Variants in DUSP18 observed in about 807,000 individuals in gnomAD.
The protein encoded by DUSP18 is dual specificity protein phosphatase 18.
Under a neutral mutation model 6.3 loss-of-function variants are expected in DUSP18, and 4 were observed. The ratio of observed to expected loss-of-function variants is 0.63; its 90% CI spans 0.31 to 1.45. The LOEUF (loss-of-function observed/expected upper bound fraction) is 1.45, where lower values mean the gene tolerates loss of function less well. Ranked by LOEUF, DUSP18 falls within the 40% of genes most tolerant of loss-of-function variation. The probability of loss-of-function intolerance (pLI) is 0.07; values close to 1 mark genes in which losing one functional copy is unlikely to be tolerated. For missense variants in DUSP18, 235 were observed against 247.7 expected (o/e 0.95, Z 0.34); for synonymous variants, 96 against 95.1 (o/e 1.01, Z -0.05).
chr22:30,663,360 G>A lies in DUSP18; in HGVS notation c.*77C>T, dbSNP rs948975045. ...TTTTCTGTATCAACAAAAGTAGAAT[G>A]TTCAAGTTTGGATCTTGGTGTAAGA... is the stretch of plus-strand genomic sequence containing the variant. On this transcript the variant is annotated 3_prime_UTR_variant, in exon 2 of 2. Coordinates refer to ENST00000334679, the MANE Select transcript of DUSP18 (RefSeq NM_152511.5). 1.1e-5 allele frequency: 16 copies of A among 1,413,994 alleles called. No homozygotes were observed. The African/African-American group carries it at 2.1e-4, about 19-fold the overall frequency. The allele number at this position is 1,413,994 out of a possible 1,614,324, so 87.6% of individuals were successfully genotyped here.
intron 2 of DUSP18, among the ~76,000 whole-genome samples, chr22:30,654,984 A>T (rs529045779): frequency 6.6e-6 from 1 of 152,130 alleles, no homozygotes; most frequent in South Asian, 2.1e-4. Context: ...AAGCCCAAAG[A>T]ATAGAAAGAA....
chr22:30,664,108 G>A (rs1034780435), intron 1 of DUSP18, 28 bp from the exon 2 acceptor site: 3 of 1,140,096 alleles, frequency 2.6e-6, no homozygotes, highest in African/African-American at 3.1e-5. Flanking sequence ...ATGTTTAGAG[G>A]GCAGGTGCCC....
At chr22:30,654,422 G>C in intron 2 of DUSP18, 2 of 449,808 alleles carry the variant, frequency 4.4e-6, no homozygotes, top group South Asian at 1.6e-5. Flanking sequence ...TTTCTTGTAG[G>C]CTTCAGATGC....
At chr22:30,664,641 A>C (rs1434702140) in intron 1 of DUSP18, among the ~76,000 whole-genome samples, 1 of 152,228 alleles carries the variant, frequency 6.6e-6, no homozygotes, top group Non-Finnish European at 1.5e-5. Flanking sequence ...AGGCTGGTAT[A>C]AGAGTAGGGA....
chr22:30,660,861 A>G (rs2088443973), downstream of DUSP18, among the ~76,000 whole-genome samples: 1 of 148,572 alleles, frequency 6.7e-6, no homozygotes, highest in Non-Finnish European at 1.5e-5. Context: ...TTTTTTTGAG[A>G]TGGAGTCTTG....
intron 2 of DUSP18, among the ~76,000 whole-genome samples, chr22:30,655,741 T>C (rs2088327591): frequency 6.6e-6 from 1 of 152,040 alleles, no homozygotes; most frequent in South Asian, 2.1e-4. Context: ...TGCCTTCTTA[T>C]GCACGGATGG....
rs1389184839 is a variant in DUSP18, at chr22:30,655,429, C to CTA, written c.*34-3133_*34-3132insTA. Among the ~76,000 whole-genome samples the CTA allele has an allele frequency of 6.3e-5, 7 of 111,642 alleles. No homozygotes were observed. In the East Asian group the frequency reaches 1.7e-3, roughly 27 times the overall value. 73.2% of individuals were successfully genotyped at this position (111,642 alleles called of 152,430 possible). ...TCTGGGTAACAGAGTGAGATCCTAC[C>CTA]AAAAAAAAAAAAAAAAAAAGAAAAA... On this transcript the variant is annotated intron_variant, in intron 2 of 2. Coordinates refer to the DUSP18 transcript ENST00000404885.
At chr22:30,654,575 C>A in intron 2 of DUSP18, 1 of 454,944 alleles carries the variant, frequency 2.2e-6, no homozygotes. Flanking sequence ...CCAGAAGATG[C>A]GGCTGGGGAC....
At position 30,663,515 on chromosome 22, in the gene DUSP18, A is replaced by G; in HGVS notation, c.489T>C (p.Thr163=). 6.2e-7 allele frequency: 1 copy of G among 1,614,194 alleles called. No homozygotes were observed. The highest frequency in any genetic ancestry group is 8.5e-7 in the Non-Finnish European group (1 of 1,180,006). ...CCACTGGGGAACTGACCATGTGCAC[A>G]GTGTTCTTGCCAAACAATTGGAACT... ...HYEFQLFGKN[T]VHMVSSPVGM... Residue 163 remains threonine (T), a synonymous_variant, in exon 2 of 2, where the codon ACT becomes ACC. Coordinates refer to ENST00000334679, the MANE Select transcript of DUSP18 (RefSeq NM_152511.5).
In DUSP18 at chr22:30,661,597, C is replaced by T. The variant is rs9609037; in HGVS notation, c.*1840G>A. ...CCAAGTAACTGGGATTACAGGCACC[C>T]AGCTGTTAAAAGAAAAAGCATTTGG... On this transcript the variant is annotated 3_prime_UTR_variant, in exon 2 of 2. Coordinates refer to ENST00000334679, the MANE Select transcript of DUSP18 (RefSeq NM_152511.5). 66,759 of 109,926 alleles carry T rather than the reference C, an allele frequency of 0.61. 17,664 individuals carry two copies. Among genetic ancestry groups the T allele is most frequent in the South Asian group, 0.7 (2,963 of 4,224 alleles). 6.8% of individuals were successfully genotyped at this position (109,926 alleles called of 1,614,324 possible).
intron 1 of DUSP18, among the ~76,000 whole-genome samples, chr22:30,666,024 T>A (rs1006152888): frequency 6.6e-6 from 1 of 152,128 alleles, no homozygotes; most frequent in South Asian, 2.1e-4. Context: ...TGCCCCAGAC[T>A]CAAATGCATC....
At chr22:30,655,646 T>G (rs143229643) in intron 2 of DUSP18, among the ~76,000 whole-genome samples, 30 of 152,232 alleles carry the variant, frequency 2.0e-4, no homozygotes, top group African/African-American at 7.2e-4. Context: ...GAATCTGGTT[T>G]CAGCATAAAC....
At chr22:30,657,274 AAAACACACAC>A, downstream of DUSP18, among the ~76,000 whole-genome samples, 1 of 51,054 alleles carries the variant, frequency 2.0e-5, no homozygotes, top group East Asian at 8.1e-4. Flanking sequence ...GTCTCTACTA[AAAACACACAC>A]ACACACACAC....
chr22:30,664,223 T>A, intron 1 of DUSP18, 143 bp from the exon 2 acceptor site: 1 of 566,188 alleles, frequency 1.8e-6, no homozygotes, highest in Non-Finnish European at 3.2e-6. Flanking sequence ...GCAAACTCAT[T>A]TAAAGTACAG....
At chr22:30,664,293 C>T (rs754536303) in intron 1 of DUSP18, among the ~76,000 whole-genome samples, 1 of 152,202 alleles carries the variant, frequency 6.6e-6, no homozygotes, top group Non-Finnish European at 1.5e-5. Context: ...CATGAATCTG[C>T]ATTTTCAGCA....
downstream of DUSP18, among the ~76,000 whole-genome samples, chr22:30,656,647 T>C (rs2088343368): frequency 1.3e-5 from 2 of 152,218 alleles, no homozygotes; most frequent in South Asian, 4.1e-4. Context: ...CATGACCTTC[T>C]TCCTAGGTTG....
At position 30,663,933 on chromosome 22, in the gene DUSP18, G is replaced by C. The variant is rs143675020; in HGVS notation, c.71C>G (p.Thr24Ser). 2.5e-6 allele frequency: 4 copies of C among 1,614,086 alleles called. No homozygotes were observed. Among genetic ancestry groups the C allele is most frequent in the African/African-American group, 1.3e-5 (1 of 74,928 alleles). ...QPSVSGLSQI[T>S]KSLYISNGVA... is the part of the protein sequence containing the mutation. ...ACCATTGCTGATATACAGGCTTTTG[G>C]TTATCTGCGAGAGGCCGCTGACTGA... Residue 24 changes from threonine to serine, a missense_variant, in exon 2 of 2, where the codon ACC becomes AGC. Transcript: ENST00000334679.
At chr22:30,665,507 C>T in intron 1 of DUSP18, 1 of 470,964 alleles carries the variant, frequency 2.1e-6, no homozygotes, top group South Asian at 1.5e-5. Flanking sequence ...TGATCTGGTC[C>T]ATTCAGCAGA....
rs1484756878 is a variant in DUSP18, at chr22:30,653,371, CT to C, written c.*34-1075del. ...ACAACCCTCATGTGCCCCCTTCCTC[CT>C]TCTTTTTTTTTTTTTTTGAGACAGA... On this transcript the variant is annotated intron_variant, in intron 2 of 2. Transcript: ENST00000404885. Among the ~76,000 whole-genome samples, 7 of 150,900 alleles carry C rather than the reference CT, an allele frequency of 4.6e-5. 1 individual carries two copies. Among genetic ancestry groups the C allele is most frequent in the Non-Finnish European group, 1.5e-5 (1 of 67,670 alleles).
Sources: allele counts gnomAD v4.1 joint callset (sites outside exome capture counted in the v4.1 genomes callset), GRCh38; gene constraint gnomAD v4.1.1; transcripts MANE v1.5; gene names NCBI Gene and HGNC (gene_info 2026-07-23, HGNC 2026-07-21).